LINGO2: variants seen among roughly 807,000 people sequenced by gnomAD.
LINGO2 encodes the protein leucine rich repeat and Ig domain containing 2, also known as leucine-rich repeat and immunoglobulin-like domain-containing nogo receptor-interacting protein 2.
A neutral mutation model predicts 30.6 loss-of-function variants in LINGO2; 14 were observed. The ratio of observed to expected loss-of-function variants is 0.46; its 90% confidence interval spans 0.30 to 0.72. LINGO2 has a LOEUF of 0.72. LINGO2 is among the 30% of genes least tolerant of loss of function. The pLI is 0.07. For synonymous variants in LINGO2, 317 were observed against 288.5 expected (o/e 1.10, Z -1.00); for missense variants, 729 against 751.7 (o/e 0.97, Z 0.35).
At chr9:28,653,981 A>G (rs953448675) in intron 1 of LINGO2, among the ~76,000 whole-genome samples, 1 of 152,112 alleles carries the variant, frequency 6.6e-6, no homozygotes, top group Middle Eastern at 3.2e-3. Flanking sequence ...ATTGCTAAGT[A>G]TATTTTTTAC....
At chr9:28,912,149 C>T in the LINGO2 span, among the ~76,000 whole-genome samples, 2 of 152,102 alleles carry the variant, frequency 1.3e-5, no homozygotes, top group Non-Finnish European at 2.9e-5. Flanking sequence ...CATGTATGCT[C>T]TTTTAACTCC....
At chr9:28,950,664 A>G in the LINGO2 span, among the ~76,000 whole-genome samples, 1 of 152,166 alleles carries the variant, frequency 6.6e-6, no homozygotes, top group Admixed American at 6.5e-5. Context: ...AAGAAAATAA[A>G]ATGCCTAGGA....
chr9:28,092,309 A>G (rs1243556451), intron 4 of LINGO2, among the ~76,000 whole-genome samples: 3 of 152,244 alleles, frequency 2.0e-5, no homozygotes, highest in Middle Eastern at 3.4e-3. Flanking sequence ...ATGTCCATCA[A>G]TGATAGACTG....
At chr9:29,209,409 C>A in the LINGO2 span, among the ~76,000 whole-genome samples, 2 of 151,950 alleles carry the variant, frequency 1.3e-5, no homozygotes, top group Non-Finnish European at 2.9e-5. Context: ...AAGACTATCA[C>A]CCACTTAAAA....
At chr9:29,058,694 A>T in the LINGO2 span, among the ~76,000 whole-genome samples, 558 of 152,088 alleles carry the variant, frequency 3.7e-3, 2 homozygotes, top group African/African-American at 0.013. Flanking sequence ...AAAACTAAAA[A>T]GAAAATTTTA....
At chr9:28,131,404 G>A (rs1303964227) in intron 4 of LINGO2, among the ~76,000 whole-genome samples, 2 of 151,964 alleles carry the variant, frequency 1.3e-5, no homozygotes, top group African/African-American at 4.8e-5. Flanking sequence ...CTTTATGTTT[G>A]CACTTGGCTT....
At chr9:28,110,981 CA>C (rs1248348109) in intron 4 of LINGO2, among the ~76,000 whole-genome samples, 1 of 152,040 alleles carries the variant, frequency 6.6e-6, no homozygotes, top group Admixed American at 6.5e-5. Flanking sequence ...GACTTGGAAC[CA>C]ACCCAAATGC....
intron 5 of LINGO2, among the ~76,000 whole-genome samples, chr9:27,981,534 CAAAAA>C: frequency 2.5e-5 from 1 of 39,874 alleles, no homozygotes; most frequent in Middle Eastern, 0.015. Context: ...ACGAGGATGG[CAAAAA>C]AAAAAAAAAA....
chr9:28,149,749 C>T (rs1827936759), intron 4 of LINGO2, among the ~76,000 whole-genome samples: 1 of 144,078 alleles, frequency 6.9e-6, no homozygotes, highest in Non-Finnish European at 1.5e-5. Flanking sequence ...CCCAGCTGCC[C>T]ACCGTCTGGG....
the LINGO2 span, among the ~76,000 whole-genome samples, chr9:28,810,034 A>C: frequency 6.6e-6 from 1 of 152,162 alleles, no homozygotes; most frequent in Non-Finnish European, 1.5e-5. Flanking sequence ...TGACTCTAAC[A>C]TCACAATCAG....
intron 1 of LINGO2, among the ~76,000 whole-genome samples, chr9:28,580,437 C>T (rs1316937406): frequency 2.0e-5 from 3 of 151,928 alleles, no homozygotes; most frequent in Non-Finnish European, 2.9e-5. Flanking sequence ...TTCTCTGGTA[C>T]GAATCACCCT....
chr9:28,898,314 G>T, the LINGO2 span, among the ~76,000 whole-genome samples: 165 of 152,166 alleles, frequency 1.1e-3, 2 homozygotes, highest in African/African-American at 3.0e-3. Context: ...GGAATATAAC[G>T]CAGTTTCTAG....
chr9:28,920,209 C>T, the LINGO2 span, among the ~76,000 whole-genome samples: 11 of 152,164 alleles, frequency 7.2e-5, no homozygotes, highest in South Asian at 1.2e-3. Flanking sequence ...AAGATTTGAA[C>T]ATTTTTTCTT....
the LINGO2 span, among the ~76,000 whole-genome samples, chr9:29,118,181 T>C: frequency 1.3e-5 from 2 of 151,950 alleles, no homozygotes; most frequent in African/African-American, 4.8e-5. Flanking sequence ...TCCAAAGAGG[T>C]TGACTTACCC....
intron 1 of LINGO2, among the ~76,000 whole-genome samples, chr9:28,545,197 T>A (rs370409144): frequency 1.1e-3 from 163 of 152,194 alleles, no homozygotes; most frequent in African/African-American, 3.6e-3. Context: ...ATAAGGATTT[T>A]AACTGAACTG....
chr9:28,069,048 A>C (rs1053988864), intron 4 of LINGO2, among the ~76,000 whole-genome samples: 2 of 152,164 alleles, frequency 1.3e-5, no homozygotes, highest in African/African-American at 4.8e-5. Flanking sequence ...CAGAAGATAA[A>C]AAGCCATCTG....
At chr9:28,377,597 T>C (rs1335691309) in intron 2 of LINGO2, among the ~76,000 whole-genome samples, 1 of 152,164 alleles carries the variant, frequency 6.6e-6, no homozygotes, top group Non-Finnish European at 1.5e-5. Context: ...CAAGTGGATA[T>C]AGTATACATG....
chr9:28,399,723 G>A (rs1185257452), intron 2 of LINGO2, among the ~76,000 whole-genome samples: 1 of 152,144 alleles, frequency 6.6e-6, no homozygotes, highest in Non-Finnish European at 1.5e-5. Flanking sequence ...TAGAGTATTA[G>A]AAAGAGTTCC....
chr9:29,184,157 T>C, the LINGO2 span, among the ~76,000 whole-genome samples: 1 of 152,174 alleles, frequency 6.6e-6, no homozygotes, highest in South Asian at 2.1e-4. Flanking sequence ...TCATAAAAAC[T>C]GTTTAAATGC....
Sources: allele counts gnomAD v4.1 joint callset (sites outside exome capture counted in the v4.1 genomes callset), GRCh38; gene constraint gnomAD v4.1.1; transcripts MANE v1.5; gene names NCBI Gene and HGNC (gene_info 2026-07-23, HGNC 2026-07-21).